Variants in FGD5 observed in about 807,000 individuals in gnomAD.
The protein encoded by FGD5 is FYVE, RhoGEF and PH domain-containing protein 5.
Under a neutral mutation model 133.4 loss-of-function variants are expected in FGD5, and 28 were observed. The observed-to-expected ratio is 0.21, with a 90% CI of 0.16 to 0.29. The LOEUF (loss-of-function observed/expected upper bound fraction) is 0.29, where lower values mean the gene tolerates loss of function less well. FGD5 is among the 10% of genes least tolerant of loss of function. The pLI is 1.00. For synonymous variants in FGD5, 810 were observed against 776.5 expected (o/e 1.04, Z -0.72); for missense variants, 1,858 against 1,895.2 (o/e 0.98, Z 0.36).
At chr3:14,836,424 C>T (rs1315885854) in intron 1 of FGD5, among the ~76,000 whole-genome samples, 1 of 152,190 alleles carries the variant, frequency 6.6e-6, no homozygotes, top group Non-Finnish European at 1.5e-5. Flanking sequence ...GCTGCTCAGC[C>T]TCTGGGGTGA....
chr3:14,850,848 T>C (rs1186204911), intron 1 of FGD5, among the ~76,000 whole-genome samples: 1 of 151,960 alleles, frequency 6.6e-6, no homozygotes, highest in African/African-American at 2.4e-5. Context: ...TGGGAAGGAA[T>C]TCTGTAACAG....
At chr3:14,881,033 C>G (rs1450904924) in intron 4 of FGD5, among the ~76,000 whole-genome samples, 1 of 152,154 alleles carries the variant, frequency 6.6e-6, no homozygotes, top group Admixed American at 6.5e-5. Flanking sequence ...TTTGAGGTTT[C>G]CTTAGCCCTC....
chr3:14,878,831 C>T (rs1225678968), intron 2 of FGD5, among the ~76,000 whole-genome samples: 1 of 151,916 alleles, frequency 6.6e-6, no homozygotes, highest in African/African-American at 2.4e-5. Flanking sequence ...CTCAGTCTCC[C>T]GAGTAGCTGG....
intron 6 of FGD5, 48 bp downstream of exon 6, chr3:14,898,143 G>A (rs1483422619): frequency 6.2e-7 from 1 of 1,609,906 alleles, no homozygotes; most frequent in Non-Finnish European, 8.5e-7. Flanking sequence ...TGCAGGGGTT[G>A]AGGTGGGCGA....
At chr3:14,903,131 C>T (rs961044061) in intron 9 of FGD5, among the ~76,000 whole-genome samples, 1 of 152,204 alleles carries the variant, frequency 6.6e-6, no homozygotes, top group Non-Finnish European at 1.5e-5. Context: ...TCCCATTCAT[C>T]TCCAGAACTT....
chr3:14,924,824 G>A (rs187155851), intron 17 of FGD5, among the ~76,000 whole-genome samples: 18 of 152,164 alleles, frequency 1.2e-4, no homozygotes, highest in East Asian at 9.7e-4. Context: ...ACATACGGCC[G>A]GGCGCGGTGG....
rs538393987 is a variant in FGD5, at chr3:14,900,490, C to T, written c.3205+37C>T. The stretch of plus-strand genomic sequence containing the variant: ...GTGAATGCGGAGGGAGGTACTCAAG[C>T]CTGCTCTGCCTCCTTGCGCCAAAGC... On this transcript the variant is annotated intron_variant, in intron 8 of 19. Coordinates refer to ENST00000285046, the MANE Select transcript of FGD5 (RefSeq NM_152536.4). 29 of 1,607,648 alleles carry T rather than the reference C, an allele frequency of 1.8e-5. No homozygotes were observed. In the East Asian group the frequency reaches 2.7e-4, roughly 15 times the overall value.
intron 18 of FGD5, among the ~76,000 whole-genome samples, chr3:14,928,682 T>G (rs570456353): frequency 6.6e-6 from 1 of 152,128 alleles, no homozygotes; most frequent in East Asian, 1.9e-4. Flanking sequence ...GAGGTAGAGG[T>G]TACAGTGGGC....
intron 1 of FGD5, among the ~76,000 whole-genome samples, chr3:14,833,276 C>T (rs2036753070): frequency 6.6e-6 from 1 of 152,166 alleles, no homozygotes; most frequent in African/African-American, 2.4e-5. Context: ...TCTATGTAAA[C>T]AGACCCATTC....
At chr3:14,901,485 C>T (rs1364522852) in intron 9 of FGD5, among the ~76,000 whole-genome samples, 1 of 152,190 alleles carries the variant, frequency 6.6e-6, no homozygotes, top group Non-Finnish European at 1.5e-5. Context: ...GAATATGTGG[C>T]TCTAAGCACA....
chr3:14,933,869 C>T lies in FGD5; in HGVS notation c.*702C>T, dbSNP rs2038939344. On this transcript the variant is annotated 3_prime_UTR_variant, in exon 20 of 20. Transcript: ENST00000285046. ...TTTTCTCCTCCAGTCGACCTTGTGA[C>T]CTGTATACTAACATAACTTATTAAA... is the stretch of plus-strand genomic sequence containing the variant. 1 of 152,828 alleles carries T rather than the reference C, an allele frequency of 6.5e-6. No individual in the cohort carries two copies. The highest frequency in any genetic ancestry group is 2.4e-5 in the African/African-American group (1 of 41,456). 9.5% of individuals were successfully genotyped at this position (152,828 alleles called of 1,614,324 possible).
chr3:14,829,241 A>T (rs772607292), intron 1 of FGD5, among the ~76,000 whole-genome samples: 1 of 152,190 alleles, frequency 6.6e-6, no homozygotes, highest in African/African-American at 2.4e-5. Context: ...GGGTGGGCCC[A>T]GTTGAGAACG....
intron 4 of FGD5, among the ~76,000 whole-genome samples, chr3:14,895,383 A>G (rs777099290): frequency 7.2e-5 from 11 of 152,196 alleles, no homozygotes; most frequent in Non-Finnish European, 1.5e-4. Context: ...GCTTTTGTGT[A>G]TAGTGATAGA....
At chr3:14,811,009 A>T in intron 1 of FGD5, 1 of 699,256 alleles carries the variant, frequency 1.4e-6, no homozygotes, top group South Asian at 6.3e-5. Context: ...CGGCCAAAGC[A>T]TGCGCGGCTC....
intron 1 of FGD5, among the ~76,000 whole-genome samples, chr3:14,855,080 T>C (rs910609949): frequency 3.3e-5 from 5 of 152,206 alleles, no homozygotes; most frequent in Admixed American, 1.3e-4. Flanking sequence ...GTTAGCTTTT[T>C]TTTAGTTTCC....
In FGD5 at chr3:14,819,307, A is replaced by G. The variant is rs1293141659; in HGVS notation, c.236A>G (p.Lys79Arg). The G allele has an allele frequency of 6.5e-7, 1 of 1,532,888 alleles. No individual in the cohort carries two copies. The highest frequency in any genetic ancestry group is 1.4e-5 in the African/African-American group (1 of 72,726). 95.0% of individuals were successfully genotyped at this position (1,532,888 alleles called of 1,614,324 possible). A position where few individuals can be genotyped will look rare whatever the true frequency, so the allele number is the denominator to read the frequency against. ...PRVPLREDEP[K>R]DEGSVGNKAL... ...GTTCCGCTGAGGGAGGATGAACCCA[A>G]GGACGAGGGCAGTGTGGGGAACAAA... The change falls in exon 1 of 20, where the codon AAG becomes AGG. Residue 79 changes from lysine to arginine, a missense_variant. Physicochemically the swap from Lys to Arg is conservative, Grantham distance 26 (BLOSUM62 2). Transcript: ENST00000285046. This position sits in a 1 kb window ranked among gnomAD's most constrained non-coding sequence, Gnocchi z 4.1.
intron 2 of FGD5, among the ~76,000 whole-genome samples, chr3:14,866,667 C>G (rs1157013918): frequency 6.6e-6 from 1 of 152,222 alleles, no homozygotes; most frequent in Non-Finnish European, 1.5e-5. Flanking sequence ...AGAACTAGAA[C>G]AATGCATGCC....
At chr3:14,885,621 G>A (rs1011428833) in intron 4 of FGD5, among the ~76,000 whole-genome samples, 4 of 152,232 alleles carry the variant, frequency 2.6e-5, no homozygotes, top group East Asian at 1.9e-4. Flanking sequence ...ACACTTATCT[G>A]TGGCCACTCC....
chr3:14,816,710 C>G (rs1442979622), upstream of FGD5, among the ~76,000 whole-genome samples: 1 of 152,186 alleles, frequency 6.6e-6, no homozygotes, highest in Admixed American at 6.5e-5. Context: ...AGACGCTTTT[C>G]TAAACTAGGA....
Sources: allele counts gnomAD v4.1 joint callset (sites outside exome capture counted in the v4.1 genomes callset), GRCh38; gene constraint gnomAD v4.1.1; non-coding constraint Gnocchi (gnomAD v3.1); transcripts MANE v1.5; gene names NCBI Gene and HGNC (gene_info 2026-07-23, HGNC 2026-07-21).